Variants in UGT1A5 observed in about 807,000 individuals in gnomAD.
The protein encoded by UGT1A5 is UDP glucuronosyltransferase family 1 member A5, also known as UDP-glucuronosyltransferase 1A5.
UGT1A5 carries 29 observed loss-of-function variants against 40.3 expected under a neutral mutation model. The observed-to-expected ratio is 0.72, with a 90% CI of 0.54 to 0.98. UGT1A5 has a LOEUF of 0.98. Among genes scored for constraint, UGT1A5 ranks in the 50% least tolerant of loss-of-function variants. The pLI is 0.00. For missense variants in UGT1A5, 678 were observed against 677.9 expected (o/e 1.00, Z 0.00); for synonymous variants, 257 against 262.5 (o/e 0.98, Z 0.20).
At position 233,725,191 on chromosome 2, in the gene UGT1A5, C is replaced by G. The variant is rs191532024; in HGVS notation, c.867+11333C>G. ...GGGAGACCGTGGGGAGAGGCAGAGG[C>G]AGAGGCAGAGGCAGAGGCAGAGGCA... On this transcript the variant is annotated intron_variant, in intron 1 of 4. Coordinates refer to ENST00000373414, the MANE Select transcript of UGT1A5 (RefSeq NM_019078.2). 5.0e-3 allele frequency among the ~76,000 whole-genome samples: 361 copies of G among 72,876 alleles called. 32 individuals carry two copies. The highest frequency in any genetic ancestry group is 0.021 in the African/African-American group (183 of 8,670). 47.8% of individuals were successfully genotyped at this position (72,876 alleles called of 152,430 possible).
At chr2:233,718,762 A>T in intron 1 of UGT1A5, 1 of 1,612,640 alleles carries the variant, frequency 6.2e-7, no homozygotes, top group African/African-American at 1.3e-5. Context: ...AGGCGAAGGA[A>T]ACAAATGTAG....
intron 1 of UGT1A5, among the ~76,000 whole-genome samples, chr2:233,720,965 C>T (rs921825655): frequency 2.6e-5 from 4 of 151,612 alleles, no homozygotes; most frequent in Admixed American, 6.6e-5. Flanking sequence ...CCCGCCTCGG[C>T]CTCCCAAAGT....
chr2:233,742,094 GA>G (rs1559385588), intron 1 of UGT1A5: 1 of 151,908 alleles, frequency 6.6e-6, no homozygotes, highest in East Asian at 1.9e-4. Context: ...ACATTTCCAG[GA>G]CCCACTGCCA....
intron 1 of UGT1A5, chr2:233,718,789 T>C (rs745402322): frequency 5.6e-6 from 9 of 1,612,926 alleles, no homozygotes; most frequent in Non-Finnish European, 7.6e-6. Flanking sequence ...CAGCGTGGGG[T>C]GGACAGTCAG....
At chr2:233,729,839 T>A (rs749325726) in intron 1 of UGT1A5, 14 of 1,613,780 alleles carry the variant, frequency 8.7e-6, no homozygotes, top group Non-Finnish European at 4.2e-6. Context: ...GCCTCTGAGC[T>A]TTTTCAGAGA....
Position 233,767,879 on chromosome 2 carries a change from T to C in UGT1A5, c.1030T>C (p.Ser344Pro). 1 of 1,614,180 alleles carries C rather than the reference T, an allele frequency of 6.2e-7. No homozygotes were observed. The highest frequency in any genetic ancestry group is 1.6e-4 in the Middle Eastern group (1 of 6,062). ...VLWRYTGTRP[S>P]NLANNTILVK... ...GTGGCGGTACACTGGAACCCGACCA[T>C]CGAATCTTGCGAACAACACGATACT... The change falls in exon 3 of 5, where the codon TCG becomes CCG. Residue 344 changes from serine (S) to proline (P), a missense_variant. Coordinates refer to ENST00000373414, the MANE Select transcript of UGT1A5 (RefSeq NM_019078.2).
chr2:233,760,276 A>G (rs1040602725), intron 1 of UGT1A5: 1 of 1,612,606 alleles, frequency 6.2e-7, no homozygotes, highest in South Asian at 1.1e-5. Flanking sequence ...CTCTGGCAGG[A>G]GCAAAGGCGC....
In UGT1A5 at chr2:233,768,227, G is replaced by A. The variant is rs751408172; in HGVS notation, c.1095G>A (p.Pro365=). The part of the protein sequence containing the change: ...WLPQNDLLGH[P]MTRAFITHAG... The stretch of plus-strand genomic sequence containing the variant: ...CCCTATTTTGCATCTCAGGTCACCC[G>A]ATGACCCGTGCCTTTATCACCCATG... Residue 365 remains proline, a synonymous_variant, in exon 4 of 5, where the codon CCG becomes CCA. Transcript: ENST00000373414. 1.3e-5 allele frequency: 21 copies of A among 1,614,014 alleles called. No individual in the cohort carries two copies. The highest frequency in any genetic ancestry group is 8.3e-5 in the Admixed American group (5 of 59,996).
chr2:233,729,547 C>A (rs529213131), intron 1 of UGT1A5: 1 of 1,614,168 alleles, frequency 6.2e-7, no homozygotes, highest in South Asian at 1.1e-5. Flanking sequence ...GATCAGGCAC[C>A]TGAATGCTAC....
At chr2:233,759,792 T>C (rs945566213) in intron 1 of UGT1A5, among the ~76,000 whole-genome samples, 3 of 152,146 alleles carry the variant, frequency 2.0e-5, no homozygotes, top group African/African-American at 7.2e-5. Flanking sequence ...ATGAAACACA[T>C]GATACAAGTG....
chr2:233,766,851 A>G (rs1202142571), intron 1 of UGT1A5, among the ~76,000 whole-genome samples, 183 bp from the exon 2 acceptor site: 1 of 152,234 alleles, frequency 6.6e-6, no homozygotes, highest in Non-Finnish European at 1.5e-5. Flanking sequence ...TTCCTCCTTT[A>G]GAAGGAAGTA....
chr2:233,756,159 C>T (rs1012245411), intron 1 of UGT1A5: 2 of 152,210 alleles, frequency 1.3e-5, no homozygotes, highest in Non-Finnish European at 2.9e-5. Context: ...CCTAGGATTT[C>T]CTGGCTCATA....
At chr2:233,760,288 A>G (rs1697385056) in intron 1 of UGT1A5, 1 of 1,613,154 alleles carries the variant, frequency 6.2e-7, no homozygotes, top group Non-Finnish European at 8.5e-7. Context: ...CAAAGGCGCC[A>G]TGGCTGTGGA....
intron 1 of UGT1A5, among the ~76,000 whole-genome samples, chr2:233,726,123 A>C (rs2125717570): frequency 6.6e-6 from 1 of 152,290 alleles, no homozygotes; most frequent in South Asian, 2.1e-4. Flanking sequence ...CCATGTTCAC[A>C]CCACCTCACT....
At chr2:233,756,223 T>G (rs1194154122) in intron 1 of UGT1A5, 1 of 152,204 alleles carries the variant, frequency 6.6e-6, no homozygotes, top group Non-Finnish European at 1.5e-5. Context: ...AAGGGATTAG[T>G]TTAGGACAAC....
chr2:233,756,842 A>T (rs544297535), intron 1 of UGT1A5, among the ~76,000 whole-genome samples: 73 of 152,236 alleles, frequency 4.8e-4, no homozygotes, highest in African/African-American at 1.7e-3. Context: ...TTAACCAAAG[A>T]ACATTCTAAC....
chr2:233,743,673 G>A, intron 1 of UGT1A5: 1 of 1,367,190 alleles, frequency 7.3e-7, no homozygotes, highest in South Asian at 1.1e-5. Flanking sequence ...TCCTCGAAGG[G>A]CCTGCCGCCT....
Position 233,760,789 on chromosome 2 carries a change from A to G in UGT1A5, c.868-6245A>G, listed in dbSNP as rs756010756. 3.7e-6 allele frequency: 6 copies of G among 1,613,282 alleles called. No homozygotes were observed. In the African/African-American group the frequency reaches 6.7e-5, roughly 18 times the overall value. On this transcript the variant is annotated intron_variant, in intron 1 of 4. Coordinates refer to ENST00000373414, the MANE Select transcript of UGT1A5 (RefSeq NM_019078.2). Reference sequence around the variant, plus strand: ...CGTGGCCCAGTACCTGTCTCTGCCCACTGTATTCTTCTTGCATGCACTGCC... The same window carrying G: ...CGTGGCCCAGTACCTGTCTCTGCCCGCTGTATTCTTCTTGCATGCACTGCC...
chr2:233,745,708 C>G (rs571256965), intron 1 of UGT1A5, among the ~76,000 whole-genome samples: 5 of 149,444 alleles, frequency 3.3e-5, no homozygotes, highest in South Asian at 2.1e-4. Context: ...AACAAGTGAT[C>G]CAGAATGGCT....
Sources: allele counts gnomAD v4.1 joint callset (sites outside exome capture counted in the v4.1 genomes callset), GRCh38; gene constraint gnomAD v4.1.1; transcripts MANE v1.5; gene names NCBI Gene and HGNC (gene_info 2026-07-23, HGNC 2026-07-21).